Variants in ATP2C2 observed in about 807,000 individuals in gnomAD.
The protein encoded by ATP2C2 is ATPase secretory pathway Ca2+ transporting 2.
In ATP2C2, 171 loss-of-function variants were observed where a neutral mutation model predicts 110.8. The observed-to-expected ratio is 1.54, with a 90% CI of 1.36 to 1.75. ATP2C2 has a LOEUF of 1.75. Among genes scored for constraint, ATP2C2 ranks in the 40% most tolerant of loss-of-function variants. The probability of loss-of-function intolerance (pLI) is 0.00; values close to 1 mark genes in which losing one functional copy is unlikely to be tolerated. For missense variants in ATP2C2, 1,963 were observed against 1,235.0 expected (o/e 1.59, Z -8.84); for synonymous variants, 804 against 508.4 (o/e 1.58, Z -7.82).
rs1597759152 is a variant in ATP2C2, at chr16:84,398,513, T to G, written c.114T>G (p.Ser38Arg). Residue 38 changes from serine to arginine, a missense_variant, in exon 2 of 27, where the codon AGT (serine) becomes AGG (arginine). Ser to Arg is a moderately radical substitution (Grantham distance 110). Coordinates refer to ENST00000262429, the MANE Select transcript of ATP2C2 (RefSeq NM_014861.4). The stretch of plus-strand genomic sequence containing the variant: ...TCTTTTCACAGATTGATGAACAGAG[T>G]GAGCTGAAAGCCATCGAGAAAGAGA... The part of the protein sequence containing the change: ...DEEEALIDEQ[S>R]ELKAIEKEKK... 1.9e-6 allele frequency: 3 copies of G among 1,609,224 alleles called. No individual in the cohort carries two copies. The highest frequency in any genetic ancestry group is 2.2e-5 in the East Asian group (1 of 44,610).
intron 11 of ATP2C2, among the ~76,000 whole-genome samples, chr16:84,432,076 G>T (rs4782963): frequency 2.6e-5 from 4 of 151,842 alleles, no homozygotes; most frequent in Non-Finnish European, 5.9e-5. Context: ...CCCCCAACTC[G>T]GGGCTGGGTG....
rs1323436990 is a variant in ATP2C2 at position 84,442,554 on chromosome 16, G to A, written c.1356G>A (p.Val452=). 3.1e-6 allele frequency: 5 copies of A among 1,614,006 alleles called. No homozygotes were observed. Residue 452 remains valine (V), a synonymous_variant, in exon 15 of 27, where the codon GTG becomes GTA. Transcript: ENST00000262429. Reference sequence around the variant, plus strand: ...ATGCGGTCATCAGAAAGAACGCCGTGATGGGGCAGCCCACCGAGGGTGCAT... The same window carrying A: ...ATGCGGTCATCAGAAAGAACGCCGTAATGGGGCAGCCCACCGAGGGTGCAT... ...ANNAVIRKNA[V]MGQPTEGALM...
intron 18 of ATP2C2, 145 bp downstream of exon 18, chr16:84,452,236 CGT>C: frequency 9.8e-7 from 1 of 1,024,038 alleles, no homozygotes; most frequent in Non-Finnish European, 1.4e-6. Flanking sequence ...GCTGAGTATT[CGT>C]GTGCCAGCAT....
At chr16:84,459,622 C>T (rs1172140648) in intron 23 of ATP2C2, 1 of 1,520,626 alleles carries the variant, frequency 6.6e-7, no homozygotes, top group Non-Finnish European at 8.8e-7. Context: ...CTCCCTCTGC[C>T]TGGATGCTCT....
At chr16:84,386,772 G>C (rs1287399235) in intron 1 of ATP2C2, among the ~76,000 whole-genome samples, 1 of 152,124 alleles carries the variant, frequency 6.6e-6, no homozygotes, top group Non-Finnish European at 1.5e-5. Flanking sequence ...CCATTTTAAA[G>C]AGGAGGAAAC....
intron 2 of ATP2C2, among the ~76,000 whole-genome samples, chr16:84,400,529 G>A (rs563360338): frequency 1.3e-5 from 2 of 152,086 alleles, no homozygotes; most frequent in South Asian, 2.1e-4. Context: ...GGGTTTCACC[G>A]TGTTAGCCAG....
intron 1 of ATP2C2, among the ~76,000 whole-genome samples, chr16:84,389,259 T>C (rs1904505728): frequency 6.6e-6 from 1 of 152,188 alleles, no homozygotes; most frequent in South Asian, 2.1e-4. Context: ...AGGCCCCTCA[T>C]TCCAGTACCT....
rs377239413 is a variant in ATP2C2, at chr16:84,459,357, C to A, written c.2304C>A (p.Asn768Lys). 1.2e-6 allele frequency: 2 copies of A among 1,614,190 alleles called. No homozygotes were observed. The highest frequency in any genetic ancestry group is 2.2e-5 in the South Asian group (2 of 91,082). ...PLNAMQILWI[N>K]IIMDGPPAQS... ...ACGCCATGCAGATCCTATGGATCAACATCATCATGGATGGGCCACCGGCGC... is the reference window on the plus strand; with the variant it reads ...ACGCCATGCAGATCCTATGGATCAAAATCATCATGGATGGGCCACCGGCGC... The change falls in exon 23 of 27, where the codon AAC (asparagine) becomes AAA (lysine). Residue 768 changes from asparagine to lysine, a missense_variant. Coordinates refer to ENST00000262429, the MANE Select transcript of ATP2C2 (RefSeq NM_014861.4).
intron 14 of ATP2C2, 39 bp downstream of exon 14, chr16:84,440,997 C>A: frequency 6.7e-7 from 1 of 1,500,420 alleles, no homozygotes; most frequent in Non-Finnish European, 9.2e-7. Context: ...TAGGCATTTA[C>A]ATTGAGGCTT....
intron 6 of ATP2C2, among the ~76,000 whole-genome samples, chr16:84,412,365 T>TGTGTGCAC (rs963150396): frequency 5.2e-5 from 5 of 96,862 alleles, no homozygotes; most frequent in Admixed American, 4.9e-4. Context: ...CGTGTGTGCA[T>TGTGTGCAC]GTGTGTGTGC....
rs71151217 is a variant in ATP2C2 at position 84,444,162 on chromosome 16, C to CAAAAAAAA, written c.1401+1578_1401+1585dup. On this transcript the variant is annotated intron_variant, in intron 15 of 26. Coordinates refer to ENST00000262429, the MANE Select transcript of ATP2C2 (RefSeq NM_014861.4). ...AGTCTAGATGAGAGAGATCCTGCCTCAAAAAAAAAAAAAAAAAAAAAACAA... is the reference window on the plus strand; with the variant it reads ...AGTCTAGATGAGAGAGATCCTGCCTCAAAAAAAAAAAAAAAAAAAAAAAAAAAAAACAA... 6.9e-4 allele frequency among the ~76,000 whole-genome samples: 72 copies of CAAAAAAAA among 104,558 alleles called. 1 individual carries two copies. The highest frequency in any genetic ancestry group is 5.3e-3 in the Middle Eastern group (1 of 188). The allele number at this position is 104,558 out of a possible 152,430, so 68.6% of individuals were successfully genotyped here.
chr16:84,369,961 C>T (rs7202571), intron 1 of ATP2C2, among the ~76,000 whole-genome samples: 13,864 of 152,248 alleles, frequency 0.091, 730 homozygotes, highest in Middle Eastern at 0.16. Context: ...TCTGCTTCTG[C>T]GATACATTCT....
intron 2 of ATP2C2, among the ~76,000 whole-genome samples, chr16:84,401,175 T>C (rs1183517948): frequency 6.6e-6 from 1 of 152,062 alleles, no homozygotes; most frequent in Non-Finnish European, 1.5e-5. Flanking sequence ...TCCCCGATGT[T>C]CTCTTGATAG....
chr16:84,410,446 G>C, intron 4 of ATP2C2, 122 bp from the exon 5 acceptor site: 1 of 1,168,340 alleles, frequency 8.6e-7, no homozygotes, highest in Non-Finnish European at 1.3e-6. Context: ...TTTCTGTACT[G>C]TGCACATGTT....
chr16:84,424,576 C>CTTGTTTT (rs1907635239), intron 10 of ATP2C2, among the ~76,000 whole-genome samples: 1 of 114,870 alleles, frequency 8.7e-6, no homozygotes, highest in African/African-American at 4.0e-5. Context: ...CCGCACTGGG[C>CTTGTTTT]TTTTTTTTTT....
chr16:84,463,633 A>T lies in ATP2C2; in HGVS notation c.2742A>T (p.Gly914=). Reference sequence around the variant, plus strand: ...TGGCAGATTTGCTGTTTTTAACTGGATTGGCCTCATCCGTCTTCATTTTGT... The same window carrying T: ...TGGCAGATTTGCTGTTTTTAACTGGTTTGGCCTCATCCGTCTTCATTTTGT... ...LGALDLLFLT[G]LASSVFILSE... The change falls in exon 27 of 27, where the codon GGA becomes GGT. Residue 914 remains glycine, a synonymous_variant. Transcript: ENST00000262429. The T allele has an allele frequency of 2.5e-6, 4 of 1,614,092 alleles. No individual in the cohort carries two copies. Among genetic ancestry groups the T allele is most frequent in the Non-Finnish European group, 3.4e-6 (4 of 1,179,960 alleles).
At chr16:84,422,607 C>G (rs576182594) in intron 8 of ATP2C2, 22 bp from the exon 9 acceptor site, 1 of 1,611,286 alleles carries the variant, frequency 6.2e-7, no homozygotes, top group African/African-American at 1.3e-5. Context: ...AGATTTCATA[C>G]TTCTCTCTCT....
chr16:84,446,413 T>C lies in ATP2C2; in HGVS notation c.1486T>C (p.Cys496Arg), dbSNP rs756866103. The C allele has an allele frequency of 5.0e-6, 8 of 1,604,710 alleles. No individual in the cohort carries two copies. The South Asian group carries it at 7.9e-5, about 16-fold the overall frequency. ...SSEQKWMAVK[C>R]SLKTEDQEDI... ...AGAGCAGAAGTGGATGGCGGTGAAA[T>C]GCAGTCTGAAGACTGAGGTGAGACC... The change falls in exon 16 of 27, where the codon TGC (cysteine) becomes CGC (arginine). Residue 496 changes from cysteine to arginine, a missense_variant. Physicochemically the swap from Cys to Arg is radical, Grantham distance 180. Coordinates refer to ENST00000262429, the MANE Select transcript of ATP2C2 (RefSeq NM_014861.4).
intron 3 of ATP2C2, 119 bp from the exon 4 acceptor site, chr16:84,408,283 GTGT>G: frequency 1.1e-6 from 1 of 891,744 alleles, no homozygotes; most frequent in Non-Finnish European, 1.8e-6. Context: ...GGTCACCATG[GTGT>G]TGACCTGGAA....
Sources: allele counts gnomAD v4.1 joint callset (sites outside exome capture counted in the v4.1 genomes callset), GRCh38; gene constraint gnomAD v4.1.1; transcripts MANE v1.5; gene names NCBI Gene and HGNC (gene_info 2026-07-23, HGNC 2026-07-21).